Variants in GDF1 observed in about 807,000 individuals in gnomAD.
The protein encoded by GDF1 is embryonic growth/differentiation factor 1.
A neutral mutation model predicts 7.4 loss-of-function variants in GDF1; 8 were observed. The ratio of observed to expected loss-of-function variants is 1.09; its 90% CI spans 0.64 to 1.96. GDF1 has a LOEUF of 1.96. Among genes scored for constraint, GDF1 ranks in the 30% most tolerant of loss-of-function variants. The pLI is 0.00. For missense variants in GDF1, 574 were observed against 551.5 expected, an observed-to-expected ratio of 1.04 and a Z score of -0.41; for synonymous variants, 311 against 276.7, an observed-to-expected ratio of 1.12 and a Z score of -1.23.
At chr19:18,876,282 G>C (rs1158048916) in intron 6 of GDF1, among the ~76,000 whole-genome samples, 1 of 151,682 alleles carries the variant, frequency 6.6e-6, no homozygotes, top group African/African-American at 2.4e-5. Flanking sequence ...CACCGCGCCT[G>C]GTCTTCAATG....
chr19:18,875,253 A>G (rs1870567782), intron 6 of GDF1, among the ~76,000 whole-genome samples: 1 of 151,118 alleles, frequency 6.6e-6, no homozygotes, highest in African/African-American at 2.4e-5. Context: ...AAAAAAAGAA[A>G]GAAAGAAACA....
Position 18,870,014 on chromosome 19 carries a change from G to A in GDF1, c.294C>T (p.Ala98=), listed in dbSNP as rs201674224. ...CCGGGATGTGGCGCACGATGTTTCC[G>A]GCGACCCCCAGCTCCTCCACGTGGC... ...QPCHVEELGV[A]GNIVRHIPDR... is the part of the protein sequence containing the mutation. The change falls in exon 7 of 8, where the codon GCC becomes GCT. Residue 98 remains alanine (A), a synonymous_variant. Transcript: ENST00000247005. The surrounding 1 kb of genome is among the most constrained non-coding windows in gnomAD (Gnocchi z 5.1). The A allele has an allele frequency of 4.4e-6, 7 of 1,597,038 alleles. No homozygotes were observed. The highest frequency in any genetic ancestry group is 1.3e-5 in the African/African-American group (1 of 74,706).
At chr19:18,869,581 T>G (rs1484881806) in intron 7 of GDF1, among the ~76,000 whole-genome samples, 191 bp from the exon 8 acceptor site, 18 of 13,492 alleles carry the variant, frequency 1.3e-3, no homozygotes, top group African/African-American at 1.9e-3. Context: ...CCCTGCGGGG[T>G]GCGGCGGGGG....
At position 18,870,381 on chromosome 19, in the gene GDF1, C is replaced by T. The variant is rs2055946700; in HGVS notation, c.-74G>A. The T allele has an allele frequency of 2.8e-5, 41 of 1,465,802 alleles. No homozygotes were observed. In the South Asian group the frequency reaches 4.4e-4, roughly 16 times the overall value. The allele number at this position is 1,465,802 out of a possible 1,614,324, so 90.8% of individuals were successfully genotyped here. On this transcript the variant is annotated 5_prime_UTR_variant, in exon 7 of 8. Transcript: ENST00000247005. The surrounding 1 kb of genome is among the most constrained non-coding windows in gnomAD (Gnocchi z 5.1). The stretch of plus-strand genomic sequence containing the variant: ...GGGACCAGTGGGCTGAGGGCGGGGC[C>T]GGTGTCCCCGGAGGGGCAGGGGTCC...
Position 18,895,003 on chromosome 19 carries a change from C to T in GDF1, c.-1074+821G>A, listed in dbSNP as rs1169594500. ...CCCTCCCCAGGGAAGTGAGTGGGGT[C>T]AGGCGCCAATGTCACCATCATGGTC... On this transcript the variant is annotated intron_variant, in intron 1 of 7. Coordinates refer to ENST00000247005, the MANE Select transcript of GDF1 (RefSeq NM_001492.6). The surrounding 1 kb of genome is among the most constrained non-coding windows in gnomAD (Gnocchi z 6.4). Among the ~76,000 whole-genome samples the T allele has an allele frequency of 6.6e-6, 1 of 152,232 alleles. No homozygotes were observed. Among genetic ancestry groups the T allele is most frequent in the Non-Finnish European group, 1.5e-5 (1 of 68,038 alleles).
intron 2 of GDF1, among the ~76,000 whole-genome samples, chr19:18,888,930 C>T (rs1389671677): frequency 7.3e-6 from 1 of 136,454 alleles, no homozygotes; most frequent in East Asian, 2.2e-4. Context: ...CTTGCTCTGT[C>T]GCCTAGGCTG....
Position 18,868,801 on chromosome 19 carries a change from C to G in GDF1, c.915G>C (p.Ala305=). The G allele has an allele frequency of 1.4e-6, 2 of 1,457,438 alleles. No homozygotes were observed. The highest frequency in any genetic ancestry group is 1.8e-6 in the Non-Finnish European group (2 of 1,094,578). 90.3% of individuals were successfully genotyped at this position (1,457,438 alleles called of 1,614,324 possible). ...YCQGQCALPV[A]LSGSGGPPAL... ...CCGGCGGCCCCCCGGACCCCGACAG[C>G]GCGACGGGCAGCGCGCACTGACCCT... is the stretch of plus-strand genomic sequence containing the variant. Residue 305 remains alanine, a synonymous_variant, in exon 8 of 8, where the codon GCG becomes GCC. Transcript: ENST00000247005.
At chr19:18,891,210 G>T (rs2056482283) in intron 2 of GDF1, among the ~76,000 whole-genome samples, 1 of 152,186 alleles carries the variant, frequency 6.6e-6, no homozygotes, top group Non-Finnish European at 1.5e-5. Flanking sequence ...CCCCTCTAGG[G>T]GATCAAGGTG....
chr19:18,880,291 G>C lies in GDF1; in HGVS notation c.-588C>G. The C allele has an allele frequency of 6.4e-7, 1 of 1,551,514 alleles. No homozygotes were observed. Among genetic ancestry groups the C allele is most frequent in the Non-Finnish European group, 8.7e-7 (1 of 1,147,662 alleles). On this transcript the variant is annotated 5_prime_UTR_variant, in exon 4 of 8. It introduces an in-frame stop codon into an upstream open reading frame of the 5' UTR. Transcript: ENST00000247005. ...CCACTCACCAGCTGAAGCCGAAGCTGAGGCAGCCCAAGTCTGCTGCCAAGG... is the reference window on the plus strand; with the variant it reads ...CCACTCACCAGCTGAAGCCGAAGCTCAGGCAGCCCAAGTCTGCTGCCAAGG...
chr19:18,869,113 G>T lies in GDF1; in HGVS notation c.603C>A (p.Ala201=). 9.2e-7 allele frequency: 1 copy of T among 1,085,042 alleles called. No homozygotes were observed. The highest frequency in any genetic ancestry group is 1.1e-6 in the Non-Finnish European group (1 of 893,164). 67.2% of individuals were successfully genotyped at this position (1,085,042 alleles called of 1,614,324 possible). ...GPPVRAELLG[A]AWARNASWPR... ...GCCATGAGGCGTTGCGAGCCCAAGCGGCGCCCAGCAGCTCCGCGCGCACTG... is the reference window on the plus strand; with the variant it reads ...GCCATGAGGCGTTGCGAGCCCAAGCTGCGCCCAGCAGCTCCGCGCGCACTG... Residue 201 remains alanine, a synonymous_variant, in exon 8 of 8, where the codon GCC becomes GCA. Coordinates refer to ENST00000247005, the MANE Select transcript of GDF1 (RefSeq NM_001492.6).
intron 4 of GDF1, 128 bp from the exon 5 acceptor site, chr19:18,879,516 TCTA>T (rs2056142176): frequency 8.8e-7 from 1 of 1,131,510 alleles, no homozygotes; most frequent in Non-Finnish European, 1.2e-6. Flanking sequence ...CCCACCTGTT[TCTA>T]CTACTGCTCT....
chr19:18,888,519 T>TAAAAAAA lies in GDF1; in HGVS notation c.-913-4259_-913-4253dup, dbSNP rs781426705. Among the ~76,000 whole-genome samples the TAAAAAAA allele has an allele frequency of 1.5e-4, 9 of 59,048 alleles. 1 individual carries two copies. Among genetic ancestry groups the TAAAAAAA allele is most frequent in the African/African-American group, 6.8e-4 (9 of 13,248 alleles). 38.7% of individuals were successfully genotyped at this position (59,048 alleles called of 152,430 possible). A position where few individuals can be genotyped will look rare whatever the true frequency, so the allele number is the denominator to read the frequency against. ...GGCGACAGAGTGAGACCCTGTCTCT[T>TAAAAAAA]AAAAAAAAAAAAAAAAAAAAAAAAA... On this transcript the variant is annotated intron_variant, in intron 2 of 7. Coordinates refer to ENST00000247005, the MANE Select transcript of GDF1 (RefSeq NM_001492.6).
At chr19:18,894,621 G>A (rs1233711014) in intron 1 of GDF1, among the ~76,000 whole-genome samples, 1 of 152,086 alleles carries the variant, frequency 6.6e-6, no homozygotes, top group Non-Finnish European at 1.5e-5. Flanking sequence ...CTTCCCAGCT[G>A]GAAACTGGGA....
chr19:18,873,615 A>C (rs1161998073), intron 6 of GDF1, among the ~76,000 whole-genome samples: 1 of 152,048 alleles, frequency 6.6e-6, no homozygotes, highest in Non-Finnish European at 1.5e-5. Flanking sequence ...AGATGGGTGG[A>C]TCACCTGAGG....
chr19:18,869,279 C>G lies in GDF1; in HGVS notation c.437G>C (p.Arg146Pro), dbSNP rs747345121. Reference sequence around the variant, plus strand: ...CGCCGCCGCGAAACGCAGCTCCAGGCGGGCCCGGCTCGGGCGCTCAGCGGG... The same window carrying G: ...CGCCGCCGCGAAACGCAGCTCCAGGGGGGCCCGGCTCGGGCGCTCAGCGGG... Reference protein sequence around the residue: ...VEPAERPSRARLELRFAAAAA... With the variant: ...VEPAERPSRAPLELRFAAAAA... The change falls in exon 8 of 8, where the codon CGC becomes CCC. Residue 146 changes from arginine (R) to proline (P), a missense_variant. Physicochemically the swap from Arg to Pro is moderately radical, Grantham distance 103. Transcript: ENST00000247005. The G allele has an allele frequency of 1.3e-6, 2 of 1,497,034 alleles. No individual in the cohort carries two copies. Among genetic ancestry groups the G allele is most frequent in the Non-Finnish European group, 1.8e-6 (2 of 1,131,442 alleles). 92.7% of individuals were successfully genotyped at this position (1,497,034 alleles called of 1,614,324 possible). A position where few individuals can be genotyped will look rare whatever the true frequency, so the allele number is the denominator to read the frequency against.
chr19:18,883,583 G>A (rs1035981901), intron 3 of GDF1, among the ~76,000 whole-genome samples: 3 of 152,170 alleles, frequency 2.0e-5, no homozygotes, highest in Admixed American at 1.3e-4. Flanking sequence ...ATTTTCACTC[G>A]TTTGTATGTG....
intron 2 of GDF1, among the ~76,000 whole-genome samples, chr19:18,890,508 T>C (rs2056463331): frequency 1.3e-5 from 2 of 152,192 alleles, no homozygotes; most frequent in South Asian, 4.1e-4. Context: ...CTGGACGAGG[T>C]GGCTCATGCC....
chr19:18,877,557 G>C (rs1390205884), intron 6 of GDF1, among the ~76,000 whole-genome samples: 6 of 152,196 alleles, frequency 3.9e-5, no homozygotes. Flanking sequence ...TTTGAGACCA[G>C]CCTGAGCAAC....
At chr19:18,877,410 G>A (rs780592847) in intron 6 of GDF1, among the ~76,000 whole-genome samples, 4 of 152,132 alleles carry the variant, frequency 2.6e-5, no homozygotes, top group Non-Finnish European at 4.4e-5. Flanking sequence ...TTTAGCCATC[G>A]CCACCTTTGG....
Sources: gnomAD v4.1 joint callset for allele counts (sites outside exome capture counted in the v4.1 genomes callset) on GRCh38, gnomAD v4.1.1 for gene constraint, Gnocchi (gnomAD v3.1) non-coding constraint, MANE v1.5 for transcripts, NCBI Gene and HGNC (gene_info 2026-07-23, HGNC 2026-07-21) for gene names.